Variants in SLC25A36 observed in about 807,000 individuals in gnomAD.
SLC25A36 encodes the protein solute carrier family 25 member 36.
SLC25A36 carries 24 observed loss-of-function variants against 35.3 expected under a neutral mutation model. That is an observed-to-expected ratio of 0.68 (90% CI 0.49 to 0.96). The LOEUF is 0.96. Among genes scored for constraint, SLC25A36 ranks in the 40% least tolerant of loss-of-function variants. The pLI, the probability that SLC25A36 is intolerant of heterozygous loss-of-function variation, is 0.00. For missense variants in SLC25A36, 294 were observed against 381.1 expected (o/e 0.77, Z 1.90); for synonymous variants, 141 against 132.2 (o/e 1.07, Z -0.46).
rs1934825098 is a variant in SLC25A36, at chr3:140,968,669, G to A, written c.386-2258G>A. On this transcript the variant is annotated intron_variant, in intron 4 of 6. Coordinates refer to ENST00000324194, the MANE Select transcript of SLC25A36 (RefSeq NM_001104647.3). ...TACTATTGTAAAGTTTTTTATATAT[G>A]GGTTTTTTTCCAGCCTCAAATTCTT... is the stretch of plus-strand genomic sequence containing the variant. The A allele has an allele frequency of 7.1e-6, 7 of 981,480 alleles. No homozygotes were observed. In the South Asian group the frequency reaches 3.3e-4, roughly 46 times the overall value. The allele number at this position is 981,480 out of a possible 1,614,324, so 60.8% of individuals were successfully genotyped here.
At chr3:140,949,759 G>C (rs1022628860) in intron 1 of SLC25A36, among the ~76,000 whole-genome samples, 2 of 152,128 alleles carry the variant, frequency 1.3e-5, no homozygotes, top group Admixed American at 6.5e-5. Context: ...TCTGTCTTTG[G>C]AATTCTTTGC....
At chr3:140,959,055 C>T (rs1934563302) in intron 2 of SLC25A36, among the ~76,000 whole-genome samples, 1 of 138,852 alleles carries the variant, frequency 7.2e-6, no homozygotes, top group Admixed American at 7.7e-5. Flanking sequence ...TTCGCTCTGT[C>T]TCCAGGCTGG....
intron 1 of SLC25A36, among the ~76,000 whole-genome samples, chr3:140,953,405 G>GT (rs1412216852): frequency 4.2e-5 from 6 of 144,426 alleles, no homozygotes; most frequent in African/African-American, 7.7e-5. Context: ...TTGGGGGGGG[G>GT]GTTAAATTTT....
In SLC25A36 at chr3:140,980,912, T is replaced by C. The variant is rs1370434588; in HGVS notation, c.*4459T>C. Among the ~76,000 whole-genome samples, 1 of 152,046 alleles carries C rather than the reference T, an allele frequency of 6.6e-6. No homozygotes were observed. Among genetic ancestry groups the C allele is most frequent in the Non-Finnish European group, 1.5e-5 (1 of 68,006 alleles). ...CAATTCAAGATTTATGTTCATAGAG[T>C]GCTGTGTTTATACAGTGGTGTCATG... On this transcript the variant is annotated 3_prime_UTR_variant, in exon 7 of 7. Coordinates refer to ENST00000324194, the MANE Select transcript of SLC25A36 (RefSeq NM_001104647.3).
At position 140,978,379 on chromosome 3, in the gene SLC25A36, T is replaced by C. The variant is rs536444865; in HGVS notation, c.*1926T>C. Reference sequence around the variant, plus strand: ...GTCTGAATCTATCGTGTTTGCCTTTTCAGGTGCCATTTCTACTGCCTAATA... The same window carrying C: ...GTCTGAATCTATCGTGTTTGCCTTTCCAGGTGCCATTTCTACTGCCTAATA... On this transcript the variant is annotated 3_prime_UTR_variant, in exon 7 of 7. Coordinates refer to ENST00000324194, the MANE Select transcript of SLC25A36 (RefSeq NM_001104647.3). The C allele has an allele frequency of 6.6e-6, 1 of 152,292 alleles. No individual in the cohort carries two copies. Among genetic ancestry groups the C allele is most frequent in the African/African-American group, 2.4e-5 (1 of 41,564 alleles). 9.4% of individuals were successfully genotyped at this position (152,292 alleles called of 1,614,324 possible). A position where few individuals can be genotyped will look rare whatever the true frequency, so the allele number is the denominator to read the frequency against.
intron 2 of SLC25A36, chr3:140,956,897 A>G: frequency 1.2e-6 from 1 of 801,870 alleles, no homozygotes; most frequent in East Asian, 3.7e-5. Context: ...TTTACTTCCA[A>G]ATCATGTGTA....
At chr3:140,954,863 T>C (rs1262337167) in intron 1 of SLC25A36, among the ~76,000 whole-genome samples, 25 of 152,280 alleles carry the variant, frequency 1.6e-4, no homozygotes, top group Admixed American at 1.2e-3. Context: ...TTCAGTTTTT[T>C]TCTTTAATGA....
At chr3:140,968,580 T>C (rs1007348350) in intron 4 of SLC25A36, 1 of 930,528 alleles carries the variant, frequency 1.1e-6, no homozygotes, top group African/African-American at 1.8e-5. Flanking sequence ...GAGAATAATT[T>C]AAAATTATAA....
At chr3:140,968,494 T>C in intron 4 of SLC25A36, 1 of 982,916 alleles carries the variant, frequency 1.0e-6, no homozygotes, top group Non-Finnish European at 1.2e-6. Context: ...CATAGGTTAA[T>C]TTGTGCTTGG....
intron 4 of SLC25A36, 142 bp from the exon 5 acceptor site, chr3:140,970,785 G>C (rs989491795): frequency 8.4e-6 from 4 of 478,720 alleles, no homozygotes; most frequent in African/African-American, 8.0e-5. Flanking sequence ...TTTGTCGTAT[G>C]TGAAAAGTGT....
rs546540166 is a variant in SLC25A36, at chr3:140,980,955, A to G, written c.*4502A>G. Among the ~76,000 whole-genome samples, 2 of 152,280 alleles carry G rather than the reference A, an allele frequency of 1.3e-5. No homozygotes were observed. Among genetic ancestry groups the G allele is most frequent in the South Asian group, 2.1e-4 (1 of 4,830 alleles). ...GTGTCATGTGATTTCTTAATAGCCT[A>G]TAGATCCAATAAATACAGAGGAATA... is the stretch of plus-strand genomic sequence containing the variant. On this transcript the variant is annotated 3_prime_UTR_variant, in exon 7 of 7. Transcript: ENST00000324194.
chr3:140,959,551 A>AG lies in SLC25A36; in HGVS notation c.284+11_284+12insG, dbSNP rs1422276136. On this transcript the variant is annotated intron_variant, in intron 3 of 6. Coordinates refer to ENST00000324194, the MANE Select transcript of SLC25A36 (RefSeq NM_001104647.3). ...GGTAGCCCCTTCCAGGTAAAAAAAA[A>AG]AAAAAATTGTTTAAAGCAAGTTATG... The AG allele has an allele frequency of 7.0e-7, 1 of 1,419,484 alleles. No homozygotes were observed. The highest frequency in any genetic ancestry group is 9.2e-7 in the Non-Finnish European group (1 of 1,082,654). 87.9% of individuals were successfully genotyped at this position (1,419,484 alleles called of 1,614,324 possible). A position where few individuals can be genotyped will look rare whatever the true frequency, so the allele number is the denominator to read the frequency against.
intron 1 of SLC25A36, among the ~76,000 whole-genome samples, chr3:140,948,228 T>C (rs1455902195): frequency 6.6e-6 from 1 of 152,254 alleles, no homozygotes; most frequent in East Asian, 1.9e-4. Flanking sequence ...GTGCTGGAAT[T>C]ACAGGCCTGA....
At position 140,957,502 on chromosome 3, in the gene SLC25A36, G is replaced by A. The variant is rs533910222; in HGVS notation, c.206+811G>A. On this transcript the variant is annotated intron_variant, in intron 2 of 6. Transcript: ENST00000324194. ...CACGCCCATAATCCCAGCACTTTGG[G>A]AGGCTGAGGTGGGTGGATCATCTGA... Among the ~76,000 whole-genome samples, 24 of 152,296 alleles carry A rather than the reference G, an allele frequency of 1.6e-4. 2 individuals are homozygous for A. The South Asian group carries it at 4.6e-3, about 29-fold the overall frequency.
chr3:140,947,796 A>T (rs1195300528), intron 1 of SLC25A36, among the ~76,000 whole-genome samples: 1 of 152,226 alleles, frequency 6.6e-6, no homozygotes, highest in Admixed American at 6.5e-5. Context: ...AGGTATATAG[A>T]TGTCCATCAC....
intron 4 of SLC25A36, chr3:140,965,983 A>G (rs1210356638): frequency 6.6e-6 from 1 of 151,896 alleles, no homozygotes; most frequent in Non-Finnish European, 1.5e-5. Context: ...GCATGTATAT[A>G]CTTTTATATA....
intron 4 of SLC25A36, chr3:140,968,179 T>G (rs1198146192): frequency 2.1e-6 from 2 of 936,120 alleles, no homozygotes; most frequent in Non-Finnish European, 2.5e-6. Flanking sequence ...TTAGATGTAA[T>G]TAGCCTAGTA....
At chr3:140,965,194 A>G (rs1028100203) in intron 4 of SLC25A36, 1 of 151,864 alleles carries the variant, frequency 6.6e-6, no homozygotes, top group African/African-American at 2.4e-5. Flanking sequence ...ATGGTTAGTA[A>G]AACTGAATGG....
intron 4 of SLC25A36, chr3:140,968,773 T>TAAAA: frequency 1.4e-6 from 1 of 720,264 alleles, no homozygotes; most frequent in South Asian, 6.3e-5. Flanking sequence ...AACTTTTATT[T>TAAAA]AAAAAAAAAA....
Sources: allele counts gnomAD v4.1 joint callset (sites outside exome capture counted in the v4.1 genomes callset), GRCh38; gene constraint gnomAD v4.1.1; transcripts MANE v1.5; gene names NCBI Gene and HGNC (gene_info 2026-07-23, HGNC 2026-07-21).